The following SPOP variants were observed in gnomAD, a reference collection of about 807,000 sequenced individuals.
The protein encoded by SPOP is speckle type BTB/POZ protein.
SPOP carries 11 observed loss-of-function variants against 45.6 expected under a neutral mutation model. The observed-to-expected ratio is 0.24, with a 90% CI of 0.15 to 0.40. The LOEUF (loss-of-function observed/expected upper bound fraction) is 0.40. Among genes scored for constraint, SPOP ranks in the 10% least tolerant of loss-of-function variants. SPOP has a pLI of 1.00. For missense variants in SPOP, 152 were observed against 465.6 expected (o/e 0.33, Z 6.20); for synonymous variants, 166 against 166.3 (o/e 1.00, Z 0.01).
At chr17:49,631,255 TGATACA>T (rs2072446248) in intron 1 of SPOP, among the ~76,000 whole-genome samples, 1 of 152,226 alleles carries the variant, frequency 6.6e-6, no homozygotes, top group South Asian at 2.1e-4. Context: ...AAATAAACTA[TGATACA>T]GATAATGTAA....
intron 5 of SPOP, chr17:49,612,781 T>G (rs377088779): frequency 2.6e-5 from 4 of 152,174 alleles, no homozygotes; most frequent in Admixed American, 2.0e-4. Flanking sequence ...TCACAAACCT[T>G]GAGAATTAGC....
At chr17:49,624,801 T>A (rs1304167369) in intron 1 of SPOP, among the ~76,000 whole-genome samples, 1 of 150,720 alleles carries the variant, frequency 6.6e-6, no homozygotes. Flanking sequence ...GTGAATTTGG[T>A]TACAATTTTT....
Position 49,600,659 on chromosome 17 carries a change from A to C in SPOP, c.981-137T>G, listed in dbSNP as rs1312161023. 1 of 913,664 alleles carries C rather than the reference A, an allele frequency of 1.1e-6. No homozygotes were observed. Among genetic ancestry groups the C allele is most frequent in the Admixed American group, 2.6e-5 (1 of 38,456 alleles). The allele number at this position is 913,664 out of a possible 1,614,324, so 56.6% of individuals were successfully genotyped here. A position where few individuals can be genotyped will look rare whatever the true frequency, so the allele number is the denominator to read the frequency against. ...AGAAACAGAAGAACCCTTAATATGC[A>C]TAAGAATTTGCTTGTTAGACAATGA... On this transcript the variant is annotated intron_variant, in intron 9 of 9. Coordinates refer to ENST00000504102, the MANE Select transcript of SPOP (RefSeq NM_001007228.2). The surrounding 1 kb of genome is among the most constrained non-coding windows in gnomAD (Gnocchi z 4.2).
At chr17:49,637,943 A>G (rs1205671479) in intron 1 of SPOP, among the ~76,000 whole-genome samples, 1 of 152,198 alleles carries the variant, frequency 6.6e-6, no homozygotes, top group African/African-American at 2.4e-5. Context: ...CACAGGACTG[A>G]TCATAGTGCA....
chr17:49,652,034 AG>A (rs2072849453), intron 1 of SPOP, among the ~76,000 whole-genome samples: 2 of 152,046 alleles, frequency 1.3e-5, no homozygotes. Context: ...AAAAATTGGA[AG>A]AATAAGTTTT....
intron 1 of SPOP, chr17:49,668,212 T>G (rs1171203042): frequency 6.6e-6 from 1 of 152,214 alleles, no homozygotes; most frequent in African/African-American, 2.4e-5. Flanking sequence ...TTAAAAATGG[T>G]TAAGGTGGTA....
At chr17:49,642,026 A>C (rs2072663381) in intron 1 of SPOP, among the ~76,000 whole-genome samples, 2 of 144,956 alleles carry the variant, frequency 1.4e-5, no homozygotes, top group South Asian at 4.3e-4. Context: ...ACTCCGCCTC[A>C]AAAAAAAAAA....
chr17:49,671,417 G>T (rs918633716), intron 1 of SPOP, among the ~76,000 whole-genome samples: 5 of 151,906 alleles, frequency 3.3e-5, no homozygotes, highest in African/African-American at 1.2e-4. Context: ...AAGGGTAAGG[G>T]TTCTGCATCT....
At chr17:49,624,979 A>G (rs2072300785) in intron 1 of SPOP, among the ~76,000 whole-genome samples, 1 of 152,178 alleles carries the variant, frequency 6.6e-6, no homozygotes. Flanking sequence ...TAGTAACTCC[A>G]CTTTTAACAA....
chr17:49,599,631 A>G lies in SPOP; in HGVS notation c.*747T>C, dbSNP rs2071704155. 1 of 213,572 alleles carries G rather than the reference A, an allele frequency of 4.7e-6. No individual in the cohort carries two copies. Among genetic ancestry groups the G allele is most frequent in the Non-Finnish European group, 9.5e-6 (1 of 105,482 alleles). 13.2% of individuals were successfully genotyped at this position (213,572 alleles called of 1,614,324 possible). On this transcript the variant is annotated 3_prime_UTR_variant, in exon 10 of 10. Transcript: ENST00000504102. ...GAACCATAGTTCTTGTCAAGACAATATGAATTCTGGATGAGTTATTTTTTC... is the reference window on the plus strand; with the variant it reads ...GAACCATAGTTCTTGTCAAGACAATGTGAATTCTGGATGAGTTATTTTTTC...
Position 49,619,763 on chromosome 17 carries a change from G to A in SPOP, c.201-378C>T, listed in dbSNP as rs1347518561. 4.6e-5 allele frequency among the ~76,000 whole-genome samples: 7 copies of A among 152,128 alleles called. No individual in the cohort carries two copies. Among genetic ancestry groups the A allele is most frequent in the Admixed American group, 1.3e-4 (2 of 15,274 alleles). ...TGGTCTTGAATGCTTGAGCTCAAGC[G>A]ATCCGTCTGCCTCAGCCTCCCAGAG... On this transcript the variant is annotated intron_variant, in intron 3 of 9. Transcript: ENST00000504102. The surrounding 1 kb of genome is among the most constrained non-coding windows in gnomAD (Gnocchi z 4.9).
intron 1 of SPOP, among the ~76,000 whole-genome samples, chr17:49,651,939 A>G (rs1208585594): frequency 1.3e-5 from 2 of 152,086 alleles, no homozygotes; most frequent in Non-Finnish European, 2.9e-5. Flanking sequence ...AAATTGCCTG[A>G]ACCCAGGAGG....
chr17:49,624,221 C>G (rs560147744), intron 1 of SPOP, among the ~76,000 whole-genome samples: 1 of 151,928 alleles, frequency 6.6e-6, no homozygotes, highest in South Asian at 2.1e-4. Context: ...ATCTACTGTA[C>G]AACATGAGGG....
chr17:49,644,751 T>C (rs918471858), intron 1 of SPOP, among the ~76,000 whole-genome samples: 1 of 152,142 alleles, frequency 6.6e-6, no homozygotes, highest in Non-Finnish European at 1.5e-5. Flanking sequence ...CATATGCACA[T>C]ATATACTCAC....
intron 2 of SPOP, 43 bp downstream of exon 2, chr17:49,622,690 C>G (rs373148509): frequency 6.4e-7 from 1 of 1,567,368 alleles, no homozygotes; most frequent in Non-Finnish European, 8.8e-7. Flanking sequence ...TCCACCAAAT[C>G]CTCCCCAGAT....
chr17:49,636,827 T>C (rs1225444489), intron 1 of SPOP: 1 of 152,326 alleles, frequency 6.6e-6, no homozygotes, highest in South Asian at 2.1e-4. Flanking sequence ...AAATAGAGAA[T>C]ATGAATCAGA....
chr17:49,664,043 AT>A (rs1450225122), intron 1 of SPOP, among the ~76,000 whole-genome samples: 16 of 152,252 alleles, frequency 1.1e-4, no homozygotes, highest in African/African-American at 3.9e-4. Context: ...GCAGCATGAT[AT>A]TCTAAAATCA....
At chr17:49,625,845 A>G (rs1597933814) in intron 1 of SPOP, among the ~76,000 whole-genome samples, 1 of 152,198 alleles carries the variant, frequency 6.6e-6, no homozygotes, top group South Asian at 2.1e-4. Context: ...AAGGAAGGAG[A>G]AGGAGACTGG....
intron 3 of SPOP, 148 bp downstream of exon 3, chr17:49,621,797 AG>A: frequency 1.3e-6 from 1 of 742,156 alleles, no homozygotes. Context: ...ATTATGTGCC[AG>A]GCACTGTGCT....
Sources: allele counts gnomAD v4.1 joint callset (sites outside exome capture counted in the v4.1 genomes callset), GRCh38; gene constraint gnomAD v4.1.1; non-coding constraint Gnocchi (gnomAD v3.1); transcripts MANE v1.5; gene names NCBI Gene and HGNC (gene_info 2026-07-23, HGNC 2026-07-21).